Variants in DIAPH1 observed in about 807,000 individuals in gnomAD.
DIAPH1 encodes the protein protein diaphanous homolog 1.
Under a neutral mutation model 140.7 loss-of-function variants are expected in DIAPH1, and 46 were observed. That is an observed-to-expected ratio of 0.33 (90% CI 0.26 to 0.42). The LOEUF (loss-of-function observed/expected upper bound fraction) is 0.42, where lower values mean the gene tolerates loss of function less well. DIAPH1 is among the 10% of genes least tolerant of loss of function. The pLI is 1.00. For missense variants in DIAPH1, 1,310 were observed against 1,558.7 expected (o/e 0.84, Z 2.69); for synonymous variants, 565 against 551.6 (o/e 1.02, Z -0.34).
At chr5:141,541,684 CAA>C (rs145217158) in intron 18 of DIAPH1, among the ~76,000 whole-genome samples, 2,035 of 104,148 alleles carry the variant, frequency 0.02, 26 homozygotes, top group African/African-American at 0.045. Flanking sequence ...GATTCTGTCT[CAA>C]AAAAAAAAAA....
chr5:141,519,188 C>G (rs1399535617), intron 27 of DIAPH1, among the ~76,000 whole-genome samples: 3 of 152,176 alleles, frequency 2.0e-5, no homozygotes, highest in African/African-American at 7.2e-5. Flanking sequence ...CTATGATGGT[C>G]TACATGTGTG....
At chr5:141,599,167 A>G (rs1409284725) in intron 1 of DIAPH1, among the ~76,000 whole-genome samples, 1 of 152,214 alleles carries the variant, frequency 6.6e-6, no homozygotes, top group Non-Finnish European at 1.5e-5. Context: ...GCAGGGATCT[A>G]AAAAGAGAGT....
At chr5:141,537,390 G>C (rs1159664160) in intron 18 of DIAPH1, among the ~76,000 whole-genome samples, 1 of 147,486 alleles carries the variant, frequency 6.8e-6, no homozygotes, top group African/African-American at 2.5e-5. Flanking sequence ...GGCTGAGGCA[G>C]GAAAATCGCT....
chr5:141,614,950 GA>G (rs2099902442), intron 1 of DIAPH1, among the ~76,000 whole-genome samples: 1 of 152,108 alleles, frequency 6.6e-6, no homozygotes, highest in African/African-American at 2.4e-5. Flanking sequence ...GATATAAGCA[GA>G]AATCTGCACG....
At chr5:141,618,050 G>A (rs938896572) in intron 1 of DIAPH1, among the ~76,000 whole-genome samples, 2 of 152,224 alleles carry the variant, frequency 1.3e-5, no homozygotes, top group Non-Finnish European at 2.9e-5. Context: ...ACCATCCTAG[G>A]TCAAGAAGGG....
intron 18 of DIAPH1, among the ~76,000 whole-genome samples, chr5:141,562,375 G>C (rs993308032): frequency 1.3e-5 from 2 of 152,038 alleles, no homozygotes; most frequent in African/African-American, 2.4e-5. Context: ...ATAGAAGCAA[G>C]GTATAGAAAC....
chr5:141,542,249 T>C (rs1021045133), intron 18 of DIAPH1, among the ~76,000 whole-genome samples: 15 of 152,100 alleles, frequency 9.9e-5, no homozygotes, highest in African/African-American at 2.9e-4. Context: ...CTGGCCAACA[T>C]GGTGAAATGC....
At chr5:141,538,620 A>T (rs1434898110) in intron 18 of DIAPH1, among the ~76,000 whole-genome samples, 1 of 151,858 alleles carries the variant, frequency 6.6e-6, no homozygotes, top group Non-Finnish European at 1.5e-5. Flanking sequence ...TTTAGTAGAG[A>T]CGGGGTTTCA....
At chr5:141,556,755 A>G (rs2099892657) in intron 18 of DIAPH1, among the ~76,000 whole-genome samples, 1 of 152,110 alleles carries the variant, frequency 6.6e-6, no homozygotes. Context: ...GCAGTGGTGC[A>G]ATCTTGGCTC....
At chr5:141,525,729 G>A (rs1204494626) in intron 26 of DIAPH1, among the ~76,000 whole-genome samples, 5 of 152,102 alleles carry the variant, frequency 3.3e-5, no homozygotes, top group Admixed American at 3.3e-4. Flanking sequence ...ATGAGAACAG[G>A]CCAGAGGAAC....
chr5:141,602,736 C>T (rs1296556645), intron 1 of DIAPH1, among the ~76,000 whole-genome samples: 2 of 152,144 alleles, frequency 1.3e-5, no homozygotes, highest in African/African-American at 4.8e-5. Flanking sequence ...GGCTAGTTTC[C>T]CTTCTTCAAT....
intron 1 of DIAPH1, among the ~76,000 whole-genome samples, chr5:141,603,624 T>C (rs2099900496): frequency 6.6e-6 from 1 of 152,168 alleles, no homozygotes; most frequent in Admixed American, 6.5e-5. Flanking sequence ...TTTCAATAAT[T>C]TGCTTATAAA....
intron 17 of DIAPH1, 122 bp from the exon 18 acceptor site, chr5:141,571,558 A>G: frequency 2.4e-6 from 2 of 850,444 alleles, no homozygotes; most frequent in Non-Finnish European, 3.8e-6. Context: ...CAAACTGTTA[A>G]AGACTCTTTC....
chr5:141,537,591 T>G (rs1248025705), intron 18 of DIAPH1, among the ~76,000 whole-genome samples: 1 of 148,592 alleles, frequency 6.7e-6, no homozygotes. Context: ...CAAGAATTAA[T>G]CATTCAGTAA....
At chr5:141,532,603 A>G (rs1010272764) in intron 19 of DIAPH1, among the ~76,000 whole-genome samples, 2 of 152,198 alleles carry the variant, frequency 1.3e-5, no homozygotes, top group African/African-American at 4.8e-5. Context: ...ACATTCTAGC[A>G]TACCTCCATC....
intron 18 of DIAPH1, among the ~76,000 whole-genome samples, chr5:141,559,883 T>C (rs1458615102): frequency 6.6e-6 from 1 of 152,208 alleles, no homozygotes; most frequent in African/African-American, 2.4e-5. Flanking sequence ...AAATGTTTTA[T>C]TATGGGAAAA....
intron 18 of DIAPH1, among the ~76,000 whole-genome samples, chr5:141,535,044 G>A (rs149827833): frequency 0.013 from 1,980 of 152,234 alleles, 23 homozygotes; most frequent in Non-Finnish European, 0.021. Flanking sequence ...TGACCTCTTG[G>A]GCTCAGATAA....
intron 8 of DIAPH1, among the ~76,000 whole-genome samples, chr5:141,579,816 C>T (rs2099896479): frequency 6.6e-6 from 1 of 151,874 alleles, no homozygotes; most frequent in African/African-American, 2.4e-5. Flanking sequence ...GGCGTGGTGG[C>T]GGACTCCTGT....
intron 1 of DIAPH1, among the ~76,000 whole-genome samples, chr5:141,616,558 G>T (rs1284370145): frequency 6.6e-6 from 1 of 152,154 alleles, no homozygotes; most frequent in African/African-American, 2.4e-5. Context: ...TACATACACA[G>T]ACACAAAGAG....
Sources: gnomAD v4.1 joint callset for allele counts (sites outside exome capture counted in the v4.1 genomes callset) on GRCh38, gnomAD v4.1.1 for gene constraint, MANE v1.5 for transcripts, NCBI Gene and HGNC (gene_info 2026-07-23, HGNC 2026-07-21) for gene names.